Variants in SH3PXD2B observed in about 807,000 individuals in gnomAD.
The protein encoded by SH3PXD2B is SH3 and PX domains 2B, also known as SH3 and PX domain-containing protein 2B.
SH3PXD2B carries 37 observed loss-of-function variants against 73.1 expected under a neutral mutation model. That is an observed-to-expected ratio of 0.51 (90% CI 0.39 to 0.67). The LOEUF is 0.67. Among genes scored for constraint, SH3PXD2B ranks in the 30% least tolerant of loss-of-function variants. The pLI is 0.00. For missense variants in SH3PXD2B, 1,053 were observed against 1,197.8 expected (o/e 0.88, Z 1.78); for synonymous variants, 457 against 480.5 (o/e 0.95, Z 0.64).
In SH3PXD2B at chr5:172,394,429, T is replaced by G. The variant is rs1356734077; in HGVS notation, c.309+134A>C. ...TGCCTCTAAGTTGAATGATAATGAA[T>G]GATTTTCCCCCTAATTTCTTTACAT... is the stretch of plus-strand genomic sequence containing the variant. On this transcript the variant is annotated intron_variant, in intron 4 of 12. Coordinates refer to ENST00000311601, the MANE Select transcript of SH3PXD2B (RefSeq NM_001017995.3). 4 of 870,140 alleles carry G rather than the reference T, an allele frequency of 4.6e-6. No individual in the cohort carries two copies. In the East Asian group the frequency reaches 8.1e-5, roughly 18 times the overall value. The allele number at this position is 870,140 out of a possible 1,614,324, so 53.9% of individuals were successfully genotyped here.
At chr5:172,348,673 ATCT>A (rs1561896774) in intron 10 of SH3PXD2B, among the ~76,000 whole-genome samples, 3 of 79,390 alleles carry the variant, frequency 3.8e-5, no homozygotes, top group African/African-American at 1.3e-4. Context: ...CTATCTATCT[ATCT>A]ATCTATCTAT....
Position 172,421,318 on chromosome 5 carries a change from A to G in SH3PXD2B, c.156+1098T>C, listed in dbSNP as rs1000925154. 6.6e-6 allele frequency among the ~76,000 whole-genome samples: 1 copy of G among 152,172 alleles called. No homozygotes were observed. Among genetic ancestry groups the G allele is most frequent in the East Asian group, 1.9e-4 (1 of 5,194 alleles). Reference sequence around the variant, plus strand: ...CCACTGGTTAGACTTGTTTTACCCTAATGGGGATGTGCTTATACCGAGCTG... The same window carrying G: ...CCACTGGTTAGACTTGTTTTACCCTGATGGGGATGTGCTTATACCGAGCTG... On this transcript the variant is annotated intron_variant, in intron 2 of 12. Transcript: ENST00000311601. This position sits in a 1 kb window ranked among gnomAD's most constrained non-coding sequence, Gnocchi z 4.0.
intron 12 of SH3PXD2B, among the ~76,000 whole-genome samples, chr5:172,341,617 C>G (rs1392725116): frequency 6.6e-6 from 1 of 152,064 alleles, no homozygotes. Context: ...TCAAGTAAAC[C>G]TCTTTTCTTT....
At chr5:172,349,037 T>C (rs114331350) in intron 10 of SH3PXD2B, among the ~76,000 whole-genome samples, 1,631 of 152,260 alleles carry the variant, frequency 0.011, 11 homozygotes, top group Middle Eastern at 0.031. Context: ...AACAAAGACA[T>C]TGAGGCTGCA....
In SH3PXD2B at chr5:172,353,847, C is replaced by T. The variant is rs1441581607; in HGVS notation, c.785+41G>A. On this transcript the variant is annotated intron_variant, in intron 9 of 12. Coordinates refer to ENST00000311601, the MANE Select transcript of SH3PXD2B (RefSeq NM_001017995.3). This position sits in a 1 kb window ranked among gnomAD's most constrained non-coding sequence, Gnocchi z 4.3. ...TGACCCCAAACCCACCCAGCGTGAC[C>T]CCAAACCCACCCAGCAACCGTGGGG... is the stretch of plus-strand genomic sequence containing the variant. 2 of 1,576,296 alleles carry T rather than the reference C, an allele frequency of 1.3e-6. No individual in the cohort carries two copies. Among genetic ancestry groups the T allele is most frequent in the African/African-American group, 1.3e-5 (1 of 74,186 alleles).
chr5:172,367,060 C>T (rs1296918547), intron 6 of SH3PXD2B, among the ~76,000 whole-genome samples: 2 of 151,446 alleles, frequency 1.3e-5, no homozygotes, highest in Non-Finnish European at 2.9e-5. Flanking sequence ...CCTCAGCCTC[C>T]CGAGTAACTG....
At chr5:172,331,401 G>C (rs549170606), downstream of SH3PXD2B, among the ~76,000 whole-genome samples, 2 of 152,228 alleles carry the variant, frequency 1.3e-5, no homozygotes, top group East Asian at 1.9e-4. Flanking sequence ...TCTGTCTTTC[G>C]ACAAGCTCCC....
At chr5:172,368,654 T>C (rs1301462281) in intron 6 of SH3PXD2B, among the ~76,000 whole-genome samples, 1 of 24,708 alleles carries the variant, frequency 4.0e-5, no homozygotes, top group Non-Finnish European at 5.6e-5. Context: ...ATATATAAAA[T>C]ATATATATTA....
intron 1 of SH3PXD2B, among the ~76,000 whole-genome samples, chr5:172,447,040 G>A (rs1561587024): frequency 1.3e-5 from 2 of 152,136 alleles, no homozygotes. Flanking sequence ...GGACAGGATG[G>A]GGCAGCAGGA....
intron 1 of SH3PXD2B, among the ~76,000 whole-genome samples, 184 bp downstream of exon 1, chr5:172,454,089 CGGGGA>C (rs1258356499): frequency 3.2e-3 from 36 of 11,244 alleles, no homozygotes; most frequent in African/African-American, 0.012. Flanking sequence ...GAGGCAAAAG[CGGGGA>C]GGGGAGGGGA....
chr5:172,453,321 C>T (rs1581352107), intron 1 of SH3PXD2B, among the ~76,000 whole-genome samples: 1 of 152,168 alleles, frequency 6.6e-6, no homozygotes. Context: ...CACTATAGCC[C>T]CCTTCCCTGC....
rs780751262 is a variant in SH3PXD2B, at chr5:172,454,339, C to G, written c.14G>C (p.Arg5Pro). MPPR[R>P]SIVEVKVLDV... ...TAGCACCTTCACCTCCACGATGCTG[C>G]GCCGCGGCGGCATGGCCGCTCCTCC... The change falls in exon 1 of 13, where the codon CGC becomes CCC. Residue 5 changes from arginine to proline, a missense_variant. Around this residue, in one of 2 missense-constraint regions of SH3PXD2B, gnomAD observed 466 missense variants for 607.1 expected, o/e 0.77. Coordinates refer to ENST00000311601, the MANE Select transcript of SH3PXD2B (RefSeq NM_001017995.3). The G allele has an allele frequency of 7.8e-6, 12 of 1,534,810 alleles. No individual in the cohort carries two copies. The highest frequency in any genetic ancestry group is 1.7e-4 in the Middle Eastern group (1 of 5,808).
intron 1 of SH3PXD2B, among the ~76,000 whole-genome samples, chr5:172,426,962 G>A (rs1759108343): frequency 6.6e-6 from 1 of 152,204 alleles, no homozygotes; most frequent in African/African-American, 2.4e-5. Context: ...TGCAACCAGT[G>A]CAATCCTAAC....
chr5:172,406,027 T>A (rs1758547891), intron 3 of SH3PXD2B, among the ~76,000 whole-genome samples: 1 of 152,246 alleles, frequency 6.6e-6, no homozygotes, highest in Non-Finnish European at 1.5e-5. Context: ...ATTGGAATGC[T>A]AAGCCTGTGG....
chr5:172,368,085 C>T (rs1757567146), intron 6 of SH3PXD2B, among the ~76,000 whole-genome samples: 1 of 152,134 alleles, frequency 6.6e-6, no homozygotes, highest in Non-Finnish European at 1.5e-5. Flanking sequence ...CTTGCCAGTC[C>T]TTCTCATGCA....
At position 172,339,308 on chromosome 5, in the gene SH3PXD2B, G is replaced by A; in HGVS notation, c.1797C>T (p.Gly599=). 1 of 1,614,178 alleles carries A rather than the reference G, an allele frequency of 6.2e-7. No individual in the cohort carries two copies. The part of the protein sequence containing the change: ...QLKNDMGLEC[G]HKVLAKEVKK... ...TCACTTCCTTGGCCAAGACCTTGTGGCCACACTCCAGCCCCATGTCATTTT... is the reference window on the plus strand; with the variant it reads ...TCACTTCCTTGGCCAAGACCTTGTGACCACACTCCAGCCCCATGTCATTTT... Residue 599 remains glycine, a synonymous_variant, in exon 13 of 13, where the codon GGC becomes GGT. Coordinates refer to ENST00000311601, the MANE Select transcript of SH3PXD2B (RefSeq NM_001017995.3). This position sits in a 1 kb window ranked among gnomAD's most constrained non-coding sequence, Gnocchi z 6.1.
chr5:172,350,608 A>G lies in SH3PXD2B; in HGVS notation c.786-19T>C. ...CTGGTACCTGTGAAGAGGAGGAAGG[A>G]TGCTGTCAAACTGCTCCGCCAGGCC... On this transcript the variant is annotated intron_variant, in intron 9 of 12. Coordinates refer to ENST00000311601, the MANE Select transcript of SH3PXD2B (RefSeq NM_001017995.3). The G allele has an allele frequency of 6.3e-7, 1 of 1,586,694 alleles. No homozygotes were observed. The highest frequency in any genetic ancestry group is 8.6e-7 in the Non-Finnish European group (1 of 1,165,636).
Position 172,333,550 on chromosome 5 carries a change from A to G in SH3PXD2B, c.*4819T>C. 8.5e-7 allele frequency: 1 copy of G among 1,171,158 alleles called. No homozygotes were observed. The highest frequency in any genetic ancestry group is 1.1e-6 in the Non-Finnish European group (1 of 937,036). 72.5% of individuals were successfully genotyped at this position (1,171,158 alleles called of 1,614,324 possible). ...AGCACTTTTTTTATTTAAAAAAAAAAAAAGGAAAGAAGTCAAATGGTAAAG... is the reference window on the plus strand; with the variant it reads ...AGCACTTTTTTTATTTAAAAAAAAAGAAAGGAAAGAAGTCAAATGGTAAAG... On this transcript the variant is annotated 3_prime_UTR_variant, in exon 13 of 13. Transcript: ENST00000311601.
At chr5:172,327,260 A>G (rs1001505224) in intron 12 of SH3PXD2B, among the ~76,000 whole-genome samples, 2 of 152,206 alleles carry the variant, frequency 1.3e-5, no homozygotes, top group Non-Finnish European at 2.9e-5. Context: ...CATTATTTCC[A>G]TTAATCTTCA....
Sources: allele counts gnomAD v4.1 joint callset (sites outside exome capture counted in the v4.1 genomes callset), GRCh38; gene constraint gnomAD v4.1.1; regional missense constraint gnomAD v4.1.1; non-coding constraint Gnocchi (gnomAD v3.1); transcripts MANE v1.5; gene names NCBI Gene and HGNC (gene_info 2026-07-23, HGNC 2026-07-21).